The following COL22A1 variants were observed in gnomAD, a reference collection of about 807,000 sequenced individuals.
The protein encoded by COL22A1 is collagen alpha-1(XXII) chain.
In COL22A1, 221 loss-of-function variants were observed where a neutral mutation model predicts 248.9. The observed-to-expected ratio is 0.89, with a 90% CI of 0.80 to 0.99. The LOEUF is 0.99. Ranked by LOEUF, COL22A1 falls within the 50% of genes least tolerant of loss-of-function variation. COL22A1 has a pLI of 0.00. For missense variants in COL22A1, 2,240 were observed against 2,179.0 expected (o/e 1.03, Z -0.56); for synonymous variants, 891 against 793.4 (o/e 1.12, Z -2.07).
chr8:138,783,259 G>T (rs567247764), intron 12 of COL22A1, among the ~76,000 whole-genome samples: 1 of 152,194 alleles, frequency 6.6e-6, no homozygotes, highest in African/African-American at 2.4e-5. Flanking sequence ...CAATCACGGT[G>T]TATTAGGGTT....
In COL22A1 at chr8:138,853,856, A is replaced by G. The variant is rs143378460; in HGVS notation, c.659-9698T>C. On this transcript the variant is annotated intron_variant, in intron 3 of 64. Coordinates refer to ENST00000303045, the MANE Select transcript of COL22A1 (RefSeq NM_152888.3). ...AGACTGCTCCAAAGTAACAGAACTC[A>G]TTAATACCCAGAATTCCAGCCCAAG... 3.5e-4 allele frequency among the ~76,000 whole-genome samples: 54 copies of G among 152,344 alleles called. No homozygotes were observed. The East Asian group carries it at 0.01, about 29-fold the overall frequency.
At chr8:138,733,300 A>C (rs1563683245) in intron 23 of COL22A1, among the ~76,000 whole-genome samples, 1 of 152,218 alleles carries the variant, frequency 6.6e-6, no homozygotes, top group African/African-American at 2.4e-5. Context: ...GGATGTATAG[A>C]TTTATTGTAA....
intron 16 of COL22A1, among the ~76,000 whole-genome samples, chr8:138,766,947 C>T (rs959155551): frequency 2.6e-5 from 4 of 152,176 alleles, no homozygotes; most frequent in African/African-American, 9.7e-5. Flanking sequence ...GTGCAGGCTT[C>T]GGCTCCTGCA....
chr8:138,765,173 G>T (rs1306669597), intron 16 of COL22A1, among the ~76,000 whole-genome samples: 3 of 152,140 alleles, frequency 2.0e-5, no homozygotes, highest in Non-Finnish European at 2.9e-5. Context: ...CCCCAGCTGG[G>T]TGTGCTGGCA....
At chr8:138,590,216 T>A (rs1816920512) in intron 64 of COL22A1, among the ~76,000 whole-genome samples, 2 of 152,216 alleles carry the variant, frequency 1.3e-5, no homozygotes, top group African/African-American at 4.8e-5. Flanking sequence ...GTCTTAGTAA[T>A]CGTCTTATCA....
intron 4 of COL22A1, among the ~76,000 whole-genome samples, chr8:138,838,771 A>AT (rs1333505675): frequency 1.3e-5 from 2 of 151,560 alleles, no homozygotes; most frequent in African/African-American, 2.4e-5. Flanking sequence ...GCACTGTGAG[A>AT]TAAAAAAAAA....
intron 48 of COL22A1, among the ~76,000 whole-genome samples, chr8:138,636,522 A>C (rs138929595): frequency 7.1e-6 from 1 of 140,554 alleles, no homozygotes; most frequent in Admixed American, 8.1e-5. Context: ...AAAGGAAAGG[A>C]AAGGAAAGGA....
chr8:138,775,986 T>G lies in COL22A1; in HGVS notation c.1783A>C (p.Lys595Gln). The change falls in exon 16 of 65, where the codon AAG (lysine) becomes CAG (glutamine). Residue 595 changes from lysine (K) to glutamine (Q), a missense_variant. Lys to Gln is a moderately conservative substitution (Grantham distance 53). Transcript: ENST00000303045. ...AATACCTTTTCTCCTCGAGTTCCCT[T>G]TTCACCTCGTTCTCCTTGGAGACCC... ...APGLQGERGE[K>Q]GTRGEKGERG... is the part of the protein sequence containing the mutation. The G allele has an allele frequency of 1.2e-6, 2 of 1,613,530 alleles. No homozygotes were observed. The highest frequency in any genetic ancestry group is 1.7e-6 in the Non-Finnish European group (2 of 1,179,916).
rs887190054 is a variant in COL22A1, at chr8:138,588,411, C to T, written c.*842G>A. On this transcript the variant is annotated 3_prime_UTR_variant, in exon 65 of 65. Coordinates refer to ENST00000303045, the MANE Select transcript of COL22A1 (RefSeq NM_152888.3). ...CATTAGGGAAACACAAGTGGATGGT[C>T]ACCACATCCACTTGTTTTATAATTA... 1.3e-5 allele frequency: 2 copies of T among 152,174 alleles called. No homozygotes were observed. The highest frequency in any genetic ancestry group is 2.9e-5 in the Non-Finnish European group (2 of 68,044). The allele number at this position is 152,174 out of a possible 1,614,324, so 9.4% of individuals were successfully genotyped here.
chr8:138,878,094 G>A lies in COL22A1; in HGVS notation c.314C>T (p.Ala105Val), dbSNP rs1406075649. The change falls in exon 3 of 65, where the codon GCC becomes GTC. Residue 105 changes from alanine to valine, a missense_variant. By Grantham distance (64) the Ala-to-Val change is moderately conservative. Transcript: ENST00000303045. ...FGSQEEVKAA[A>V]RRLAYHGGNT... ...GCCCCCGTGGTAGGCGAGACGCCGGGCAGCCGCCTTGACCTCCTCCTGCGA... is the reference window on the plus strand; with the variant it reads ...GCCCCCGTGGTAGGCGAGACGCCGGACAGCCGCCTTGACCTCCTCCTGCGA... 11 of 1,599,682 alleles carry A rather than the reference G, an allele frequency of 6.9e-6. No individual in the cohort carries two copies. Among genetic ancestry groups the A allele is most frequent in the Non-Finnish European group, 9.4e-6 (11 of 1,174,256 alleles).
rs1036631478 is a variant in COL22A1 at position 138,834,200 on chromosome 8, C to A, written c.734-1050G>T. Among the ~76,000 whole-genome samples, 8 of 152,096 alleles carry A rather than the reference C, an allele frequency of 5.3e-5. No individual in the cohort carries two copies. In the East Asian group the frequency reaches 1.5e-3, roughly 29 times the overall value. Reference sequence around the variant, plus strand: ...AAGCTCTCAGCAGGTTACAGGGAAGCCGGCTGAAGGCAGGCACCAGGCTGA... The same window carrying A: ...AAGCTCTCAGCAGGTTACAGGGAAGACGGCTGAAGGCAGGCACCAGGCTGA... On this transcript the variant is annotated intron_variant, in intron 4 of 64. Coordinates refer to ENST00000303045, the MANE Select transcript of COL22A1 (RefSeq NM_152888.3).
Position 138,597,030 on chromosome 8 carries a change from C to G in COL22A1, c.4366-60G>C, listed in dbSNP as rs888484888. On this transcript the variant is annotated intron_variant, in intron 61 of 64. Transcript: ENST00000303045. ...CCAGTAACTTCTGCCACCTAAGAAC[C>G]CTGAGGACTTGGGAAACCAGGAAGT... 17 of 1,462,540 alleles carry G rather than the reference C, an allele frequency of 1.2e-5. No individual in the cohort carries two copies. In the South Asian group the frequency reaches 1.8e-4, roughly 16 times the overall value. 90.6% of individuals were successfully genotyped at this position (1,462,540 alleles called of 1,614,324 possible). A position where few individuals can be genotyped will look rare whatever the true frequency, so the allele number is the denominator to read the frequency against.
chr8:138,771,916 C>T lies in COL22A1; in HGVS notation c.1803+4050G>A, dbSNP rs116011359. Among the ~76,000 whole-genome samples the T allele has an allele frequency of 7.3e-3, 1,105 of 152,274 alleles. 17 individuals carry two copies. The highest frequency in any genetic ancestry group is 0.025 in the African/African-American group (1,054 of 41,556). ...GCGCCTCAGGAGCTCACCCGAAGCC[C>T]CCGCAGCCTCCAGGAAGCGTGGAGA... On this transcript the variant is annotated intron_variant, in intron 16 of 64. Coordinates refer to ENST00000303045, the MANE Select transcript of COL22A1 (RefSeq NM_152888.3).
chr8:138,772,984 C>T (rs916212607), intron 16 of COL22A1, among the ~76,000 whole-genome samples: 8 of 152,370 alleles, frequency 5.3e-5, no homozygotes, highest in Admixed American at 2.0e-4. Flanking sequence ...TGCAAAGCCC[C>T]GGCGCCGCGT....
intron 15 of COL22A1, among the ~76,000 whole-genome samples, chr8:138,776,846 G>A (rs1814507205): frequency 6.6e-6 from 1 of 152,184 alleles, no homozygotes; most frequent in African/African-American, 2.4e-5. Context: ...CCCAGTGAGT[G>A]ACTGTGTCGA....
chr8:138,784,972 G>A (rs942769558), intron 12 of COL22A1, among the ~76,000 whole-genome samples: 34 of 152,274 alleles, frequency 2.2e-4, no homozygotes, highest in African/African-American at 7.7e-4. Flanking sequence ...CCCTGGTTGT[G>A]GGGCAGCCCT....
chr8:138,652,520 T>A (rs1822832682), intron 45 of COL22A1, among the ~76,000 whole-genome samples: 1 of 152,164 alleles, frequency 6.6e-6, no homozygotes, highest in Non-Finnish European at 1.5e-5. Context: ...TTCTGAGTTA[T>A]CTCAGGCAAG....
At chr8:138,630,904 G>A (rs1312067515) in intron 49 of COL22A1, among the ~76,000 whole-genome samples, 156 bp from the exon 50 acceptor site, 1 of 152,176 alleles carries the variant, frequency 6.6e-6, no homozygotes, top group Non-Finnish European at 1.5e-5. Context: ...GGTGGGCCCT[G>A]GTGGGAGGTG....
intron 62 of COL22A1, 120 bp downstream of exon 62, chr8:138,596,784 C>T: frequency 1.2e-6 from 1 of 865,714 alleles, no homozygotes; most frequent in East Asian, 2.5e-5. Context: ...TGATAGTCTA[C>T]ACTTGAGCTG....
Sources: allele counts gnomAD v4.1 joint callset (sites outside exome capture counted in the v4.1 genomes callset), GRCh38; gene constraint gnomAD v4.1.1; transcripts MANE v1.5; gene names NCBI Gene and HGNC (gene_info 2026-07-23, HGNC 2026-07-21).